The following TRPC4AP variants were observed in gnomAD, a reference collection of about 807,000 sequenced individuals.
TRPC4AP encodes the protein transient receptor potential cation channel subfamily C member 4 associated protein, also known as short transient receptor potential channel 4-associated protein.
Under a neutral mutation model 99.0 loss-of-function variants are expected in TRPC4AP, and 45 were observed. The ratio of observed to expected loss-of-function variants is 0.45; its 90% confidence interval spans 0.36 to 0.58. TRPC4AP has a LOEUF of 0.58. TRPC4AP is among the 20% of genes least tolerant of loss of function. The probability of loss-of-function intolerance (pLI) is 0.00; values close to 1 mark genes in which losing one functional copy is unlikely to be tolerated. For synonymous variants in TRPC4AP, 408 were observed against 385.8 expected (o/e 1.06, Z -0.67); for missense variants, 879 against 985.3 (o/e 0.89, Z 1.44).
Position 35,049,839 on chromosome 20 carries a change from T to C in TRPC4AP, c.657+27A>G, listed in dbSNP as rs773992184. On this transcript the variant is annotated intron_variant, in intron 6 of 18. Transcript: ENST00000252015. ...CAATGGTCTGAGACACCCTTCCCCATCTGGTCAGCTAGAGGACACAGCTCA... is the reference window on the plus strand; with the variant it reads ...CAATGGTCTGAGACACCCTTCCCCACCTGGTCAGCTAGAGGACACAGCTCA... The C allele has an allele frequency of 6.3e-6, 10 of 1,597,232 alleles. No individual in the cohort carries two copies. In the Admixed American group the frequency reaches 1.6e-4, roughly 25 times the overall value.
chr20:35,078,744 A>G (rs2084549852), intron 1 of TRPC4AP, among the ~76,000 whole-genome samples: 2 of 152,216 alleles, frequency 1.3e-5, no homozygotes, highest in Non-Finnish European at 1.5e-5. Context: ...CAAGAAACTC[A>G]TTTAAATATA....
At chr20:35,083,673 A>ATATATGTG (rs1331317523) in intron 1 of TRPC4AP, among the ~76,000 whole-genome samples, 1 of 151,700 alleles carries the variant, frequency 6.6e-6, no homozygotes, top group African/African-American at 2.4e-5. Context: ...GTCAAACTAA[A>ATATATGTG]TATATGTGTC....
chr20:35,024,825 C>CCAAAAAAAAA (rs1555904985), intron 8 of TRPC4AP, among the ~76,000 whole-genome samples: 1,165 of 35,508 alleles, frequency 0.033, 242 homozygotes, highest in East Asian at 0.065. Flanking sequence ...GAGACCGTCT[C>CCAAAAAAAAA]AAAAAAAAAA....
rs533739048 is a variant in TRPC4AP at position 35,065,448 on chromosome 20, G to A, written c.414+3848C>T. Among the ~76,000 whole-genome samples the A allele has an allele frequency of 2.0e-5, 3 of 152,310 alleles. No individual in the cohort carries two copies. The South Asian group carries it at 6.2e-4, about 32-fold the overall frequency. ...ACTTTTCACAGTCATGTTATGGATA[G>A]GGTCAGGCTGACAAGGAGTGATCCC... On this transcript the variant is annotated intron_variant, in intron 3 of 18. Coordinates refer to ENST00000252015, the MANE Select transcript of TRPC4AP (RefSeq NM_015638.3).
At chr20:35,014,098 G>A (rs376042783) in intron 10 of TRPC4AP, among the ~76,000 whole-genome samples, 1 of 152,156 alleles carries the variant, frequency 6.6e-6, no homozygotes, top group African/African-American at 2.4e-5. Context: ...TGATCTGCCC[G>A]CCTTGGCCTC....
chr20:35,005,396 C>T (rs932052472), intron 16 of TRPC4AP, among the ~76,000 whole-genome samples: 4 of 152,244 alleles, frequency 2.6e-5, no homozygotes, highest in Admixed American at 1.3e-4. Flanking sequence ...TGCGATGCCA[C>T]GCACAGCACA....
At chr20:35,089,037 C>G (rs558346975) in intron 1 of TRPC4AP, among the ~76,000 whole-genome samples, 1 of 97,102 alleles carries the variant, frequency 1.0e-5, no homozygotes, top group Non-Finnish European at 2.4e-5. Context: ...CTTAACTATA[C>G]ACCTTTTTTT....
At chr20:35,023,197 T>C (rs940008908) in intron 8 of TRPC4AP, among the ~76,000 whole-genome samples, 1 of 152,188 alleles carries the variant, frequency 6.6e-6, no homozygotes, top group Admixed American at 6.5e-5. Context: ...GCCAGACTAC[T>C]GGGTTTGAAC....
intron 3 of TRPC4AP, among the ~76,000 whole-genome samples, chr20:35,067,927 G>T (rs1600634914): frequency 6.6e-6 from 1 of 152,140 alleles, no homozygotes; most frequent in African/African-American, 2.4e-5. Flanking sequence ...CTCTAAAGTT[G>T]ACTGTGGTGA....
intron 6 of TRPC4AP, among the ~76,000 whole-genome samples, chr20:35,045,280 T>A (rs920554628): frequency 2.0e-5 from 3 of 152,208 alleles, no homozygotes; most frequent in Non-Finnish European, 4.4e-5. Flanking sequence ...TACCATACTA[T>A]ACCTTACTTT....
At chr20:35,084,098 G>A (rs1045218005) in intron 1 of TRPC4AP, among the ~76,000 whole-genome samples, 3 of 151,780 alleles carry the variant, frequency 2.0e-5, no homozygotes, top group Non-Finnish European at 2.9e-5. Context: ...TCAGGAGTTC[G>A]AGACCAGCCT....
At chr20:35,021,518 G>A (rs2082889601) in intron 8 of TRPC4AP, among the ~76,000 whole-genome samples, 162 bp from the exon 9 acceptor site, 1 of 152,206 alleles carries the variant, frequency 6.6e-6, no homozygotes, top group South Asian at 2.1e-4. Flanking sequence ...ACAATCCCAG[G>A]AGCCAGGTGA....
At chr20:35,057,374 G>T in intron 4 of TRPC4AP, 140 bp downstream of exon 4, 1 of 654,322 alleles carries the variant, frequency 1.5e-6, no homozygotes, top group South Asian at 2.1e-5. Flanking sequence ...GCTGGGGGAG[G>T]AGAGAGCAAC....
chr20:35,024,854 A>AAAAAAACAACAT (rs1479270980), intron 8 of TRPC4AP, among the ~76,000 whole-genome samples: 1 of 89,480 alleles, frequency 1.1e-5, no homozygotes, highest in Admixed American at 1.5e-4. Context: ...AAAAAAAAAA[A>AAAAAAACAACAT]ATTCTGTTTA....
intron 8 of TRPC4AP, among the ~76,000 whole-genome samples, chr20:35,025,319 T>C (rs770566055): frequency 1.3e-5 from 2 of 152,180 alleles, no homozygotes; most frequent in Admixed American, 6.5e-5. Context: ...TTGTCAGGAC[T>C]ATGGGCACGT....
chr20:35,067,606 G>A (rs1454422987), intron 3 of TRPC4AP, among the ~76,000 whole-genome samples: 3 of 152,108 alleles, frequency 2.0e-5, no homozygotes, highest in East Asian at 1.9e-4. Flanking sequence ...GCAAAAAGAC[G>A]GAGGCAATCC....
At chr20:35,072,493 T>C (rs1288904187) in intron 2 of TRPC4AP, among the ~76,000 whole-genome samples, 3 of 152,228 alleles carry the variant, frequency 2.0e-5, no homozygotes, top group African/African-American at 4.8e-5. Context: ...TTCAGCTTTC[T>C]ACATGTGGCT....
At chr20:35,085,731 T>A (rs1327822439) in intron 1 of TRPC4AP, among the ~76,000 whole-genome samples, 1 of 152,134 alleles carries the variant, frequency 6.6e-6, no homozygotes, top group Non-Finnish European at 1.5e-5. Context: ...ACATGGGTTT[T>A]CTCTTGAAGT....
chr20:35,041,502 A>G (rs1293077258), intron 7 of TRPC4AP, among the ~76,000 whole-genome samples: 1 of 152,208 alleles, frequency 6.6e-6, no homozygotes, highest in Non-Finnish European at 1.5e-5. Flanking sequence ...TCACACAGAT[A>G]TGAAAGTGAA....
Sources: gnomAD v4.1 joint callset for allele counts (sites outside exome capture counted in the v4.1 genomes callset) on GRCh38, gnomAD v4.1.1 for gene constraint, MANE v1.5 for transcripts, NCBI Gene and HGNC (gene_info 2026-07-23, HGNC 2026-07-21) for gene names.